The following TBPL1 variants were observed in gnomAD, a reference collection of about 807,000 sequenced individuals.
TBPL1 encodes TATA box-binding protein-like 1.
In TBPL1, 4 loss-of-function variants were observed where a neutral mutation model predicts 22.1. The ratio of observed to expected loss-of-function variants is 0.18; its 90% confidence interval spans 0.09 to 0.41. The LOEUF is 0.41. TBPL1 is among the 10% of genes least tolerant of loss of function. The probability of loss-of-function intolerance (pLI) is 1.00; values close to 1 mark genes in which losing one functional copy is unlikely to be tolerated. For synonymous variants in TBPL1, 64 were observed against 71.0 expected (o/e 0.90, Z 0.50); for missense variants, 115 against 222.3 (o/e 0.52, Z 3.07).
chr6:133,985,514 A>C lies in TBPL1; in HGVS notation c.481+843A>C, dbSNP rs190950694. ...TTATGTTTGTCTTGCTATATCTTTT[A>C]ATCTTTATTTGGAGAAAGGGTGGTT... On this transcript the variant is annotated intron_variant, in intron 6 of 6. Coordinates refer to ENST00000237264, the MANE Select transcript of TBPL1 (RefSeq NM_004865.4). Among the ~76,000 whole-genome samples, 267 of 151,456 alleles carry C rather than the reference A, an allele frequency of 1.8e-3. 1 individual carries two copies. Among genetic ancestry groups the C allele is most frequent in the African/African-American group, 5.8e-3 (239 of 41,278 alleles).
At chr6:133,981,122 A>G (rs1428244473) in intron 2 of TBPL1, among the ~76,000 whole-genome samples, 2 of 151,914 alleles carry the variant, frequency 1.3e-5, no homozygotes, top group Admixed American at 6.6e-5. Flanking sequence ...ACAGGTGCAC[A>G]CCACCACGCT....
rs201964769 is a variant in TBPL1 at position 133,986,925 on chromosome 6, C to A, written c.482-36C>A. On this transcript the variant is annotated intron_variant, in intron 6 of 6. Coordinates refer to ENST00000237264, the MANE Select transcript of TBPL1 (RefSeq NM_004865.4). ...TTTTTCCTAGTGCTCCCTTTTCCAA[C>A]TCTTCTCACTCCTTCCTCCATTGTG... 7 of 1,468,888 alleles carry A rather than the reference C, an allele frequency of 4.8e-6. No individual in the cohort carries two copies. The East Asian group carries it at 7.2e-5, about 15-fold the overall frequency. The allele number at this position is 1,468,888 out of a possible 1,614,324, so 91.0% of individuals were successfully genotyped here.
At chr6:133,952,787 A>G (rs991114719), upstream of TBPL1, 1 of 152,210 alleles carries the variant, frequency 6.6e-6, no homozygotes, top group Non-Finnish European at 1.5e-5. This position sits in a 1 kb window ranked among gnomAD's most constrained non-coding sequence, Gnocchi z 4.5. Context: ...TTTTGTATAA[A>G]TTTAATGAGC....
chr6:133,970,614 C>CTG (rs1776202405), intron 1 of TBPL1, among the ~76,000 whole-genome samples: 1 of 142,630 alleles, frequency 7.0e-6, no homozygotes, highest in Non-Finnish European at 1.5e-5. Context: ...TTTGTTTTTG[C>CTG]TTTTTTTTTT....
intron 1 of TBPL1, among the ~76,000 whole-genome samples, chr6:133,968,137 T>TGCCACCAGC (rs1389243080): frequency 6.6e-6 from 1 of 151,774 alleles, no homozygotes; most frequent in Non-Finnish European, 1.5e-5. Context: ...TACAGGCGCG[T>TGCCACCAGC]GCCACCACGC....
At chr6:133,979,657 T>G (rs1776374459) in intron 1 of TBPL1, among the ~76,000 whole-genome samples, 1 of 152,276 alleles carries the variant, frequency 6.6e-6, no homozygotes, top group South Asian at 2.1e-4. Flanking sequence ...TGATTTGGTT[T>G]GTTTGTTTTG....
At position 133,989,496 on chromosome 6, in the gene TBPL1, A is replaced by C. The variant is rs1433893901; in HGVS notation, c.*2456A>C. The C allele has an allele frequency of 6.6e-6, 1 of 152,212 alleles. No individual in the cohort carries two copies. Among genetic ancestry groups the C allele is most frequent in the Non-Finnish European group, 1.5e-5 (1 of 68,038 alleles). 9.4% of individuals were successfully genotyped at this position (152,212 alleles called of 1,614,324 possible). A position where few individuals can be genotyped will look rare whatever the true frequency, so the allele number is the denominator to read the frequency against. On this transcript the variant is annotated 3_prime_UTR_variant, in exon 7 of 7. Transcript: ENST00000237264. The stretch of plus-strand genomic sequence containing the variant: ...TATATATAGAGTTTGAACTATAAAC[A>C]CGGAAGGAAACATGGGGCAGAACAC...
chr6:133,984,069 C>G lies in TBPL1; in HGVS notation c.283-307C>G, dbSNP rs531397574. Among the ~76,000 whole-genome samples the G allele has an allele frequency of 2.6e-5, 4 of 152,184 alleles. No homozygotes were observed. In the East Asian group the frequency reaches 7.7e-4, roughly 29 times the overall value. ...TAAATTTTTTTTCCCTCACTATTCT[C>G]TCTCCTTTCTCAGTAGTTTTAAATA... On this transcript the variant is annotated intron_variant, in intron 4 of 6. Transcript: ENST00000237264.
chr6:133,974,083 T>C (rs145125853), intron 1 of TBPL1, among the ~76,000 whole-genome samples: 91 of 150,956 alleles, frequency 6.0e-4, no homozygotes, highest in African/African-American at 2.1e-3. Context: ...GATATAACTA[T>C]GTAAGTGCAT....
At chr6:133,980,033 G>A in intron 1 of TBPL1, 49 bp from the exon 2 acceptor site, 1 of 1,271,772 alleles carries the variant, frequency 7.9e-7, no homozygotes, top group Non-Finnish European at 1.0e-6. Flanking sequence ...TGTGAAAAGT[G>A]AATTAACAAC....
rs1180377477 is a variant in TBPL1 at position 133,989,467 on chromosome 6, G to C, written c.*2427G>C. 6 of 152,072 alleles carry C rather than the reference G, an allele frequency of 3.9e-5. No homozygotes were observed. Among genetic ancestry groups the C allele is most frequent in the Non-Finnish European group, 8.8e-5 (6 of 68,018 alleles). 9.4% of individuals were successfully genotyped at this position (152,072 alleles called of 1,614,324 possible). ...ATGAAGGGCTAAACAAAAAATACCT[G>C]AAGTATATATAGAGTTTGAACTATA... On this transcript the variant is annotated 3_prime_UTR_variant, in exon 7 of 7. Coordinates refer to ENST00000237264, the MANE Select transcript of TBPL1 (RefSeq NM_004865.4).
rs1381852963 is a variant in TBPL1 at position 133,987,043 on chromosome 6, C to T, written c.*3C>T. 1.8e-5 allele frequency: 29 copies of T among 1,606,092 alleles called. No individual in the cohort carries two copies. The highest frequency in any genetic ancestry group is 2.4e-5 in the Non-Finnish European group (28 of 1,175,816). Reference sequence around the variant, plus strand: ...AAAGCAGGAAAGAAATTTTATAATTCACCACTTAATTGGTTAGAATCTCTA... The same window carrying T: ...AAAGCAGGAAAGAAATTTTATAATTTACCACTTAATTGGTTAGAATCTCTA... On this transcript the variant is annotated 3_prime_UTR_variant, in exon 7 of 7. Transcript: ENST00000237264.
chr6:133,952,249 C>A (rs1775843850), upstream of TBPL1: 1 of 152,284 alleles, frequency 6.6e-6, no homozygotes. This position sits in a 1 kb window ranked among gnomAD's most constrained non-coding sequence, Gnocchi z 4.5. Context: ...ACTCGGGCCC[C>A]AGGGCGACGG....
intron 2 of TBPL1, among the ~76,000 whole-genome samples, chr6:133,982,013 G>C (rs1031434485): frequency 6.6e-6 from 1 of 152,068 alleles, no homozygotes; most frequent in African/African-American, 2.4e-5. Flanking sequence ...TCAACTCTAG[G>C]ATGCAATATA....
chr6:133,967,021 G>A (rs1776132310), intron 1 of TBPL1, among the ~76,000 whole-genome samples: 2 of 152,148 alleles, frequency 1.3e-5, no homozygotes, highest in Admixed American at 6.5e-5. Context: ...GGCATAGAAG[G>A]CATGATTTGA....
rs200531874 is a variant in TBPL1, at chr6:133,964,455, GT to G, written c.-45+11043del. Among the ~76,000 whole-genome samples the G allele has an allele frequency of 8.6e-3, 1,212 of 140,908 alleles. 27 individuals are homozygous for G. Among genetic ancestry groups the G allele is most frequent in the Admixed American group, 0.061 (855 of 14,086 alleles). The allele number at this position is 140,908 out of a possible 152,430, so 92.4% of individuals were successfully genotyped here. On this transcript the variant is annotated intron_variant, in intron 1 of 6. Coordinates refer to ENST00000237264, the MANE Select transcript of TBPL1 (RefSeq NM_004865.4). ...TGTTTTGTTTTTTTGGGTTTTTTGGGTTTTTTTTTTTTTGAGATGGAGTCTC... is the reference window on the plus strand; with the variant it reads ...TGTTTTGTTTTTTTGGGTTTTTTGGGTTTTTTTTTTTTGAGATGGAGTCTC...
At position 133,985,276 on chromosome 6, in the gene TBPL1, T is replaced by TA. The variant is rs1229100828; in HGVS notation, c.481+627dup. On this transcript the variant is annotated intron_variant, in intron 6 of 6. Transcript: ENST00000237264. The stretch of plus-strand genomic sequence containing the variant: ...ACTGGCAACAGAGTGAGACTCTGTC[T>TA]AAAAAAAAAAAAAAAAAAAAAATAT... 4.1e-3 allele frequency among the ~76,000 whole-genome samples: 53 copies of TA among 12,918 alleles called. 14 individuals carry two copies. Among genetic ancestry groups the TA allele is most frequent in the African/African-American group, 8.9e-3 (13 of 1,456 alleles). 8.5% of individuals were successfully genotyped at this position (12,918 alleles called of 152,430 possible). A position where few individuals can be genotyped will look rare whatever the true frequency, so the allele number is the denominator to read the frequency against.
intron 3 of TBPL1, 45 bp downstream of exon 3, chr6:133,982,695 C>T (rs569058278): frequency 2.5e-6 from 4 of 1,597,220 alleles, no homozygotes; most frequent in East Asian, 4.5e-5. Flanking sequence ...TACTTTTTCC[C>T]TCATGGAAAG....
intron 1 of TBPL1, among the ~76,000 whole-genome samples, chr6:133,960,559 C>A (rs891854140): frequency 6.6e-6 from 1 of 152,014 alleles, no homozygotes; most frequent in Admixed American, 6.5e-5. Flanking sequence ...AGAATGCATG[C>A]CTCTTGATTT....
Sources: gnomAD v4.1 joint callset for allele counts (sites outside exome capture counted in the v4.1 genomes callset) on GRCh38, gnomAD v4.1.1 for gene constraint, Gnocchi (gnomAD v3.1) non-coding constraint, MANE v1.5 for transcripts, NCBI Gene and HGNC (gene_info 2026-07-23, HGNC 2026-07-21) for gene names.